Variants in SYNPO2 observed in about 807,000 individuals in gnomAD.
SYNPO2 encodes synaptopodin 2.
In SYNPO2, 56 loss-of-function variants were observed where a neutral mutation model predicts 85.0. The ratio of observed to expected loss-of-function variants is 0.66; its 90% CI spans 0.53 to 0.82. SYNPO2 has a LOEUF of 0.82. Among genes scored for constraint, SYNPO2 ranks in the 40% least tolerant of loss-of-function variants. The probability of loss-of-function intolerance (pLI) is 0.00; values close to 1 mark genes in which losing one functional copy is unlikely to be tolerated. For missense variants in SYNPO2, 1,575 were observed against 1,534.2 expected, an observed-to-expected ratio of 1.03 and a Z score of -0.44; for synonymous variants, 602 against 591.1, an observed-to-expected ratio of 1.02 and a Z score of -0.27.
At chr4:118,948,210 G>A (rs542079728) in intron 1 of SYNPO2, among the ~76,000 whole-genome samples, 3 of 152,228 alleles carry the variant, frequency 2.0e-5, no homozygotes, top group South Asian at 2.1e-4. Context: ...AATAAGATCC[G>A]ATTTGTTAAC....
intron 1 of SYNPO2, among the ~76,000 whole-genome samples, chr4:118,992,690 G>GACCT (rs144881851): frequency 0.083 from 12,630 of 152,064 alleles, 624 homozygotes; most frequent in East Asian, 0.12. Flanking sequence ...CCCTCTCCAT[G>GACCT]ACCTACTCAC....
chr4:119,015,597 T>A (rs553805177), intron 1 of SYNPO2, among the ~76,000 whole-genome samples: 1 of 152,236 alleles, frequency 6.6e-6, no homozygotes. Flanking sequence ...ACTTTATTAA[T>A]GCAGAAATGC....
chr4:118,889,812 G>T (rs1288898673), intron 1 of SYNPO2, among the ~76,000 whole-genome samples: 2 of 152,178 alleles, frequency 1.3e-5, no homozygotes, highest in Non-Finnish European at 2.9e-5. Flanking sequence ...AGGTAACTTT[G>T]TAACACATTA....
chr4:119,026,223 T>G (rs1737936804), intron 2 of SYNPO2, among the ~76,000 whole-genome samples: 1 of 152,234 alleles, frequency 6.6e-6, no homozygotes, highest in Admixed American at 6.5e-5. Flanking sequence ...TGGATATGTT[T>G]ATGTGACTTC....
chr4:119,004,400 C>T (rs921452720), intron 1 of SYNPO2, among the ~76,000 whole-genome samples: 22 of 147,152 alleles, frequency 1.5e-4, no homozygotes, highest in African/African-American at 3.3e-4. Flanking sequence ...CAACAGTCCC[C>T]GGTGTGTGAT....
chr4:118,909,033 A>T (rs530235288), intron 1 of SYNPO2, among the ~76,000 whole-genome samples: 2 of 152,276 alleles, frequency 1.3e-5, no homozygotes, highest in South Asian at 4.1e-4. Context: ...ATTATCTGGC[A>T]CTGCAGATGT....
chr4:118,928,899 T>A (rs1733825925), intron 1 of SYNPO2, among the ~76,000 whole-genome samples: 2 of 152,224 alleles, frequency 1.3e-5, no homozygotes, highest in South Asian at 2.1e-4. Flanking sequence ...TCCACAGCCA[T>A]GTACTTTTTG....
Position 118,962,824 on chromosome 4 carries a change from G to T in SYNPO2, c.106-60606G>T, listed in dbSNP as rs145498080. Among the ~76,000 whole-genome samples, 3 of 152,300 alleles carry T rather than the reference G, an allele frequency of 2.0e-5. No individual in the cohort carries two copies. In the East Asian group the frequency reaches 5.8e-4, roughly 29 times the overall value. ...CTCATATTTTTGGAGAATGACAAGT[G>T]CTTTTCTCCTTACCACCCATTAGCC... On this transcript the variant is annotated intron_variant, in intron 1 of 4. Coordinates refer to ENST00000307142, the MANE Select transcript of SYNPO2 (RefSeq NM_133477.3).
chr4:118,916,776 G>A (rs1455750369), intron 1 of SYNPO2, among the ~76,000 whole-genome samples: 7 of 120,570 alleles, frequency 5.8e-5, no homozygotes, highest in African/African-American at 1.2e-4. Flanking sequence ...TCTGTCCCCC[G>A]GGCTGGAGTG....
At chr4:118,959,292 C>T (rs1018680537) in intron 1 of SYNPO2, among the ~76,000 whole-genome samples, 3 of 152,206 alleles carry the variant, frequency 2.0e-5, no homozygotes, top group Non-Finnish European at 2.9e-5. Flanking sequence ...TAACTTTGAA[C>T]GTTTGCTGCC....
chr4:119,019,581 G>A (rs1033672074), intron 1 of SYNPO2, among the ~76,000 whole-genome samples: 7 of 152,190 alleles, frequency 4.6e-5, no homozygotes, highest in Non-Finnish European at 7.4e-5. Context: ...AAGCCAACAC[G>A]TCTGAATTCA....
intron 1 of SYNPO2, among the ~76,000 whole-genome samples, chr4:119,000,809 C>A (rs1054730607): frequency 6.6e-6 from 1 of 152,164 alleles, no homozygotes; most frequent in African/African-American, 2.4e-5. Context: ...TCAATTATGT[C>A]ATTTGCAGAG....
intron 1 of SYNPO2, among the ~76,000 whole-genome samples, chr4:118,966,213 AG>A (rs1327611651): frequency 3.3e-5 from 5 of 152,362 alleles, no homozygotes; most frequent in Admixed American, 6.5e-5. Flanking sequence ...TTGAGTGGAT[AG>A]AAAGAAACGG....
chr4:119,029,910 A>G lies in SYNPO2; in HGVS notation c.1135A>G (p.Ile379Val). ...VKEAKSKCKS[I>V]ALLLTDAPNP... is the part of the protein sequence containing the mutation. The stretch of plus-strand genomic sequence containing the variant: ...GGAAGCAAAATCTAAATGCAAAAGC[A>G]TTGCCCTTCTTCTAACGGATGCTCC... Residue 379 changes from isoleucine to valine, a missense_variant, in exon 4 of 5, where the codon ATT becomes GTT. Around this residue, in one of 3 missense-constraint regions of SYNPO2, gnomAD observed 1,508 missense variants for 1,446.8 expected, o/e 1.04. Coordinates refer to ENST00000307142, the MANE Select transcript of SYNPO2 (RefSeq NM_133477.3). 6.2e-7 allele frequency: 1 copy of G among 1,611,936 alleles called. No individual in the cohort carries two copies. Among genetic ancestry groups the G allele is most frequent in the Non-Finnish European group, 8.5e-7 (1 of 1,178,532 alleles).
chr4:118,935,479 T>A (rs1423767723), intron 1 of SYNPO2, among the ~76,000 whole-genome samples: 1 of 152,256 alleles, frequency 6.6e-6, no homozygotes, highest in African/African-American at 2.4e-5. Context: ...TACATAATAA[T>A]ACAGTTATGT....
In SYNPO2 at chr4:118,901,056, G is replaced by A. The variant is rs150758554; in HGVS notation, c.105+11915G>A. On this transcript the variant is annotated intron_variant, in intron 1 of 4. Coordinates refer to ENST00000307142, the MANE Select transcript of SYNPO2 (RefSeq NM_133477.3). The stretch of plus-strand genomic sequence containing the variant: ...GGAAACTTCCTCCAATATGTAGTTT[G>A]TTTTAGTATTATTTATACTAATTTT... Among the ~76,000 whole-genome samples, 273 of 151,808 alleles carry A rather than the reference G, an allele frequency of 1.8e-3. 1 individual carries two copies. Among genetic ancestry groups the A allele is most frequent in the African/African-American group, 5.7e-3 (236 of 41,398 alleles).
intron 1 of SYNPO2, among the ~76,000 whole-genome samples, chr4:118,870,497 T>C (rs1487640546): frequency 6.6e-6 from 1 of 152,256 alleles, no homozygotes. Flanking sequence ...GCAATGAACA[T>C]ACACATGCAT....
chr4:119,007,046 C>A (rs985521320), intron 1 of SYNPO2, among the ~76,000 whole-genome samples: 2 of 150,612 alleles, frequency 1.3e-5, no homozygotes, highest in Middle Eastern at 3.4e-3. Context: ...ATGTACTTGG[C>A]TCTTTGTACC....
exon 1 of SYNPO2, chr4:118,850,721 C>T (rs1351395021): frequency 5.0e-6 from 2 of 398,502 alleles, no homozygotes; most frequent in African/African-American, 4.1e-5. Flanking sequence ...GAACATGTTG[C>T]TCTGGAGCTC....
Sources: allele counts gnomAD v4.1 joint callset (sites outside exome capture counted in the v4.1 genomes callset), GRCh38; gene constraint gnomAD v4.1.1; regional missense constraint gnomAD v4.1.1; transcripts MANE v1.5; gene names NCBI Gene and HGNC (gene_info 2026-07-23, HGNC 2026-07-21).